The following DOCK8 variants were observed in gnomAD, a reference collection of about 807,000 sequenced individuals.
DOCK8 encodes dedicator of cytokinesis 8, also known as dedicator of cytokinesis protein 8.
Under a neutral mutation model 245.6 loss-of-function variants are expected in DOCK8, and 141 were observed. That is an observed-to-expected ratio of 0.57 (90% confidence interval 0.50 to 0.66). The LOEUF is 0.66. Among genes scored for constraint, DOCK8 ranks in the 30% least tolerant of loss-of-function variants. The pLI is 0.00. For missense variants in DOCK8, 2,965 were observed against 2,603.4 expected, an observed-to-expected ratio of 1.14 and a Z score of -3.02; for synonymous variants, 1,168 against 970.2, an observed-to-expected ratio of 1.20 and a Z score of -3.79.
At chr9:342,493 G>A (rs2051656984) in intron 14 of DOCK8, among the ~76,000 whole-genome samples, 1 of 150,406 alleles carries the variant, frequency 6.6e-6, no homozygotes, top group African/African-American at 2.4e-5. Context: ...TTTTTGAGAT[G>A]GAGTCTCACT....
At chr9:296,626 A>G (rs917133469) in intron 4 of DOCK8, among the ~76,000 whole-genome samples, 24 of 152,352 alleles carry the variant, frequency 1.6e-4, no homozygotes, top group Non-Finnish European at 3.4e-4. Context: ...ACATCAGTGC[A>G]TATAATTCAG....
chr9:283,745 T>C (rs1269253710), intron 2 of DOCK8, among the ~76,000 whole-genome samples: 1 of 152,246 alleles, frequency 6.6e-6, no homozygotes, highest in Non-Finnish European at 1.5e-5. Flanking sequence ...TATGACTGAA[T>C]AGAATTATTC....
chr9:242,482 A>C (rs1185513874), intron 1 of DOCK8, among the ~76,000 whole-genome samples: 1 of 152,246 alleles, frequency 6.6e-6, no homozygotes, highest in Non-Finnish European at 1.5e-5. Flanking sequence ...ATGATTATTA[A>C]TAATTATTTT....
chr9:299,469 C>T (rs1289577351), intron 4 of DOCK8, among the ~76,000 whole-genome samples: 2 of 152,034 alleles, frequency 1.3e-5, no homozygotes, highest in African/African-American at 4.8e-5. Context: ...CACCATGTCA[C>T]CCAGGCTGGT....
intron 28 of DOCK8, among the ~76,000 whole-genome samples, chr9:408,327 C>A (rs1036954685): frequency 6.6e-6 from 1 of 152,224 alleles, no homozygotes; most frequent in African/African-American, 2.4e-5. Flanking sequence ...GACTCTATGT[C>A]TGCGTCTCCT....
chr9:274,490 C>T (rs73639026), intron 2 of DOCK8, among the ~76,000 whole-genome samples: 24 of 135,214 alleles, frequency 1.8e-4, no homozygotes, highest in East Asian at 4.2e-4. Context: ...TCTTTCTTTT[C>T]TTTTTTTTTT....
At position 438,512 on chromosome 9, in the gene DOCK8, G is replaced by C. The variant is rs144576440; in HGVS notation, c.5080-733G>C. Among the ~76,000 whole-genome samples, 9 of 152,284 alleles carry C rather than the reference G, an allele frequency of 5.9e-5. No individual in the cohort carries two copies. In the East Asian group the frequency reaches 1.7e-3, roughly 29 times the overall value. Reference sequence around the variant, plus strand: ...TATTCACTGCCAGGGCCAGTGCTAGGGTGAAGAGGCACTCACCCTCAGGGT... The same window carrying C: ...TATTCACTGCCAGGGCCAGTGCTAGCGTGAAGAGGCACTCACCCTCAGGGT... On this transcript the variant is annotated intron_variant, in intron 39 of 47. Transcript: ENST00000432829.
At chr9:400,817 ACCTCCACCATCACCATCACCACCACCT>A (rs2054955177) in intron 26 of DOCK8, among the ~76,000 whole-genome samples, 1 of 41,842 alleles carries the variant, frequency 2.4e-5, no homozygotes, top group East Asian at 8.1e-4. Context: ...CATCACCACC[ACCTCCACCATCACCATCACCACCACCT>A]CCACCATCAC....
chr9:283,220 G>T (rs1443483362), intron 2 of DOCK8, among the ~76,000 whole-genome samples: 1 of 152,126 alleles, frequency 6.6e-6, no homozygotes, highest in South Asian at 2.1e-4. Flanking sequence ...CTCTAGCCTC[G>T]CTTTCTTCAT....
At chr9:401,787 A>C (rs1341206061) in intron 26 of DOCK8, among the ~76,000 whole-genome samples, 2 of 152,184 alleles carry the variant, frequency 1.3e-5, no homozygotes, top group African/African-American at 2.4e-5. Context: ...TTTCTAAAGG[A>C]AGTCCTGTCT....
intron 16 of DOCK8, among the ~76,000 whole-genome samples, chr9:371,155 C>G (rs1475307183): frequency 6.6e-6 from 1 of 151,870 alleles, no homozygotes; most frequent in Non-Finnish European, 1.5e-5. Flanking sequence ...TTGGAGTTTT[C>G]CATTGTGTGG....
At chr9:223,015 G>C (rs557174419) in intron 1 of DOCK8, among the ~76,000 whole-genome samples, 9 of 152,250 alleles carry the variant, frequency 5.9e-5, no homozygotes, top group Non-Finnish European at 1.3e-4. Context: ...AGAGAATAGA[G>C]AGTATGGACC....
At chr9:337,429 C>T (rs867784790) in intron 12 of DOCK8, among the ~76,000 whole-genome samples, 24 of 152,266 alleles carry the variant, frequency 1.6e-4, no homozygotes, top group African/African-American at 5.1e-4. Flanking sequence ...TACCAACTAT[C>T]CTATTTGAAC....
chr9:282,212 A>G (rs1430774290), intron 2 of DOCK8, among the ~76,000 whole-genome samples: 1 of 152,092 alleles, frequency 6.6e-6, no homozygotes, highest in Admixed American at 6.6e-5. Context: ...GATCCTCTGT[A>G]TCCCCAGTGG....
chr9:235,652 A>T (rs1011694505), intron 1 of DOCK8, among the ~76,000 whole-genome samples: 2 of 152,104 alleles, frequency 1.3e-5, no homozygotes, highest in African/African-American at 4.8e-5. Context: ...TTGATCTCAG[A>T]CTGCTGTGCC....
rs540943454 is a variant in DOCK8, at chr9:277,970, C to G, written c.156+6241C>G. On this transcript the variant is annotated intron_variant, in intron 2 of 47. Transcript: ENST00000432829. ...TTAATTGCCTGATAAATATGGTCCTCTTTTATTCTTCTGATTCTGTTGTTC... is the reference window on the plus strand; with the variant it reads ...TTAATTGCCTGATAAATATGGTCCTGTTTTATTCTTCTGATTCTGTTGTTC... 2.2e-4 allele frequency among the ~76,000 whole-genome samples: 33 copies of G among 152,308 alleles called. No individual in the cohort carries two copies. The South Asian group carries it at 3.7e-3, about 17-fold the overall frequency.
At chr9:425,508 C>T (rs2131680206) in intron 33 of DOCK8, among the ~76,000 whole-genome samples, 1 of 142,738 alleles carries the variant, frequency 7.0e-6, no homozygotes, top group South Asian at 2.2e-4. Flanking sequence ...CTCTGCACTC[C>T]AGCCTGGGCG....
At chr9:359,687 G>T (rs2052624135) in intron 14 of DOCK8, among the ~76,000 whole-genome samples, 1 of 151,826 alleles carries the variant, frequency 6.6e-6, no homozygotes, top group Non-Finnish European at 1.5e-5. Flanking sequence ...ACAACAAATT[G>T]CTATAGAGAG....
intron 7 of DOCK8, among the ~76,000 whole-genome samples, chr9:323,773 T>G (rs750813081): frequency 9.2e-5 from 14 of 152,376 alleles, no homozygotes; most frequent in Non-Finnish European, 1.9e-4. Flanking sequence ...ACTGTCTTTT[T>G]GTGACTGGCT....
Sources: gnomAD v4.1 joint callset for allele counts (sites outside exome capture counted in the v4.1 genomes callset) on GRCh38, gnomAD v4.1.1 for gene constraint, MANE v1.5 for transcripts, NCBI Gene and HGNC (gene_info 2026-07-23, HGNC 2026-07-21) for gene names.